The following CTNNA2 variants were observed in gnomAD, a reference collection of about 807,000 sequenced individuals.
The protein encoded by CTNNA2 is catenin alpha 2, also known as catenin alpha-2.
Under a neutral mutation model 101.0 loss-of-function variants are expected in CTNNA2, and 42 were observed. That is an observed-to-expected ratio of 0.42 (90% CI 0.32 to 0.54). CTNNA2 has a LOEUF of 0.54. CTNNA2 is among the 20% of genes least tolerant of loss of function. The pLI is 0.14. For missense variants in CTNNA2, 871 were observed against 1,223.1 expected (o/e 0.71, Z 4.29); for synonymous variants, 450 against 456.4 (o/e 0.99, Z 0.18).
intron 1 of CTNNA2, among the ~76,000 whole-genome samples, chr2:79,573,332 T>A (rs1006578847): frequency 3.9e-5 from 6 of 152,108 alleles, no homozygotes; most frequent in African/African-American, 9.7e-5. Context: ...TACTGGTAAG[T>A]TTTATTTGTT....
chr2:80,205,457 C>G (rs1366594391), intron 7 of CTNNA2, among the ~76,000 whole-genome samples: 3 of 152,104 alleles, frequency 2.0e-5, no homozygotes, highest in African/African-American at 7.2e-5. Context: ...CCAGAGGCAG[C>G]AGATAAAGAT....
chr2:79,620,804 G>A (rs1263112242), intron 1 of CTNNA2, among the ~76,000 whole-genome samples: 1 of 152,142 alleles, frequency 6.6e-6, no homozygotes, highest in East Asian at 1.9e-4. Context: ...ACACTCCTAT[G>A]GGGGCAAGCT....
intron 3 of CTNNA2, among the ~76,000 whole-genome samples, chr2:79,330,728 A>G (rs1246118789): frequency 6.6e-6 from 1 of 152,138 alleles, no homozygotes; most frequent in Non-Finnish European, 1.5e-5. Context: ...TATAAAGGGG[A>G]GTTCCCCTGC....
chr2:80,456,344 G>A (rs1178885259), intron 9 of CTNNA2, among the ~76,000 whole-genome samples: 1 of 152,198 alleles, frequency 6.6e-6, no homozygotes, highest in African/African-American at 2.4e-5. Context: ...TGGTATTGCT[G>A]TGGCTTCTGT....
At chr2:79,891,173 G>A (rs1306858390) in intron 6 of CTNNA2, among the ~76,000 whole-genome samples, 1 of 151,916 alleles carries the variant, frequency 6.6e-6, no homozygotes, top group East Asian at 1.9e-4. Context: ...TTACTTGAGG[G>A]CCCAAATGAA....
intron 3 of CTNNA2, among the ~76,000 whole-genome samples, chr2:79,785,767 C>T (rs1203648666): frequency 6.6e-6 from 1 of 151,970 alleles, no homozygotes; most frequent in Non-Finnish European, 1.5e-5. Flanking sequence ...TAAATAAAAA[C>T]AACTGGGAAA....
intron 1 of CTNNA2, among the ~76,000 whole-genome samples, chr2:79,633,365 C>T (rs1240600516): frequency 6.6e-6 from 1 of 152,160 alleles, no homozygotes; most frequent in Non-Finnish European, 1.5e-5. Context: ...TCCCAGAAGT[C>T]CCCAGCTGAG....
chr2:80,111,590 A>C (rs186469635), intron 7 of CTNNA2, among the ~76,000 whole-genome samples: 1 of 152,140 alleles, frequency 6.6e-6, no homozygotes. Context: ...CCCAGGCTAG[A>C]GTGCAGTGTG....
intron 18 of CTNNA2, among the ~76,000 whole-genome samples, chr2:80,627,475 G>A (rs926885701): frequency 6.6e-6 from 1 of 152,158 alleles, no homozygotes; most frequent in Non-Finnish European, 1.5e-5. Context: ...CAGTGATGAT[G>A]AGCATTATTT....
chr2:79,383,859 G>A (rs1448248794), intron 4 of CTNNA2, among the ~76,000 whole-genome samples: 2 of 152,110 alleles, frequency 1.3e-5, no homozygotes, highest in East Asian at 3.9e-4. Context: ...ACAGCAAATG[G>A]TACATAAGAA....
chr2:80,036,222 A>G (rs1004230725), intron 7 of CTNNA2, among the ~76,000 whole-genome samples: 12 of 152,194 alleles, frequency 7.9e-5, no homozygotes, highest in Non-Finnish European at 1.6e-4. Context: ...GCAGACCCAG[A>G]GACAGAGTAA....
intron 7 of CTNNA2, among the ~76,000 whole-genome samples, chr2:80,259,875 G>A (rs997525812): frequency 6.6e-6 from 1 of 152,140 alleles, no homozygotes; most frequent in African/African-American, 2.4e-5. Context: ...GCTGATGGGA[G>A]CATTAAATGA....
At chr2:79,688,816 C>A (rs1291336685) in intron 2 of CTNNA2, among the ~76,000 whole-genome samples, 1 of 152,000 alleles carries the variant, frequency 6.6e-6, no homozygotes, top group Non-Finnish European at 1.5e-5. Flanking sequence ...CAGAAGGCAC[C>A]TATTCCCATC....
At chr2:79,601,997 C>T (rs1321738704) in intron 1 of CTNNA2, among the ~76,000 whole-genome samples, 1 of 152,132 alleles carries the variant, frequency 6.6e-6, no homozygotes, top group African/African-American at 2.4e-5. Flanking sequence ...TTTTAAAATA[C>T]AGTGTTGAAT....
At chr2:79,526,269 G>A (rs773736706) in intron 1 of CTNNA2, among the ~76,000 whole-genome samples, 3 of 151,744 alleles carry the variant, frequency 2.0e-5, no homozygotes, top group Admixed American at 6.6e-5. Flanking sequence ...TACTGTTTGC[G>A]TTTTACTCAA....
chr2:80,269,266 T>C (rs761673672), intron 7 of CTNNA2, among the ~76,000 whole-genome samples: 1 of 152,174 alleles, frequency 6.6e-6, no homozygotes, highest in Non-Finnish European at 1.5e-5. Context: ...ATTCTCGTGA[T>C]AGTAAATGCT....
intron 2 of CTNNA2, among the ~76,000 whole-genome samples, chr2:79,261,099 A>C (rs1311911103): frequency 6.6e-6 from 1 of 152,156 alleles, no homozygotes; most frequent in Non-Finnish European, 1.5e-5. Context: ...GCAGGAAAAG[A>C]CTTTAACATA....
At chr2:79,351,553 C>A (rs188834084) in intron 3 of CTNNA2, among the ~76,000 whole-genome samples, 2 of 152,188 alleles carry the variant, frequency 1.3e-5, no homozygotes, top group African/African-American at 4.8e-5. Context: ...AGCACAGTAT[C>A]CAATAGGTAG....
chr2:79,810,798 A>T lies in CTNNA2; in HGVS notation c.299-47215A>T, dbSNP rs575830404. Among the ~76,000 whole-genome samples the T allele has an allele frequency of 4.0e-5, 6 of 151,368 alleles. No homozygotes were observed. The East Asian group carries it at 9.8e-4, about 25-fold the overall frequency. Reference sequence around the variant, plus strand: ...CAGTGTTTGGTTTTTTGTCCTTCAGATAGTTTGCTGAGAATGATGGTTTCC... The same window carrying T: ...CAGTGTTTGGTTTTTTGTCCTTCAGTTAGTTTGCTGAGAATGATGGTTTCC... On this transcript the variant is annotated intron_variant, in intron 3 of 18. Transcript: ENST00000402739.
Sources: gnomAD v4.1 joint callset for allele counts (sites outside exome capture counted in the v4.1 genomes callset) on GRCh38, gnomAD v4.1.1 for gene constraint, MANE v1.5 for transcripts, NCBI Gene and HGNC (gene_info 2026-07-23, HGNC 2026-07-21) for gene names.